Variants in OTUD7A observed in about 807,000 individuals in gnomAD.
The protein encoded by OTUD7A is OTU deubiquitinase 7A.
A neutral mutation model predicts 65.7 loss-of-function variants in OTUD7A; 12 were observed. The observed-to-expected ratio is 0.18, with a 90% CI of 0.12 to 0.30. The LOEUF (loss-of-function observed/expected upper bound fraction) is 0.30, where lower values mean the gene tolerates loss of function less well. Ranked by LOEUF, OTUD7A falls within the 10% of genes least tolerant of loss-of-function variation. The probability of loss-of-function intolerance (pLI) is 1.00; values close to 1 mark genes in which losing one functional copy is unlikely to be tolerated. For missense variants in OTUD7A, 1,148 were observed against 1,304.8 expected (o/e 0.88, Z 1.85); for synonymous variants, 641 against 586.3 (o/e 1.09, Z -1.35).
chr15:31,750,160 C>T (rs938779578), intron 1 of OTUD7A, among the ~76,000 whole-genome samples: 3 of 152,080 alleles, frequency 2.0e-5, no homozygotes, highest in Admixed American at 1.3e-4. Flanking sequence ...GTAATCCCAG[C>T]ACTTTGGGAG....
At chr15:31,585,326 T>C (rs914373976) in intron 3 of OTUD7A, among the ~76,000 whole-genome samples, 3 of 152,222 alleles carry the variant, frequency 2.0e-5, no homozygotes, top group South Asian at 2.1e-4. Context: ...CAAACATTCA[T>C]GCGAGGCGTG....
intron 1 of OTUD7A, among the ~76,000 whole-genome samples, chr15:31,796,519 C>G (rs1220284393): frequency 6.6e-6 from 1 of 152,166 alleles, no homozygotes; most frequent in Non-Finnish European, 1.5e-5. Context: ...TTAATCTCAT[C>G]TAAAAATTAC....
intron 1 of OTUD7A, among the ~76,000 whole-genome samples, chr15:31,713,207 G>A (rs917493957): frequency 6.6e-6 from 1 of 152,198 alleles, no homozygotes; most frequent in Non-Finnish European, 1.5e-5. Flanking sequence ...CAAGTTGATG[G>A]CGTTTCTGAA....
chr15:31,781,270 C>T (rs1895532070), intron 1 of OTUD7A, among the ~76,000 whole-genome samples: 1 of 152,108 alleles, frequency 6.6e-6, no homozygotes, highest in Admixed American at 6.5e-5. Context: ...TTAAGAATGA[C>T]CCCAAGGTCA....
At chr15:31,669,468 C>T (rs1046139781) in intron 1 of OTUD7A, among the ~76,000 whole-genome samples, 1 of 152,194 alleles carries the variant, frequency 6.6e-6, no homozygotes, top group Non-Finnish European at 1.5e-5. Context: ...AGCTGCCATG[C>T]AGTCCGAAGG....
intron 1 of OTUD7A, among the ~76,000 whole-genome samples, chr15:31,865,457 G>A (rs975265256): frequency 9.9e-5 from 15 of 152,190 alleles, no homozygotes; most frequent in African/African-American, 3.6e-4. Context: ...ACTGTGCATT[G>A]TGTGGTCTCT....
intron 4 of OTUD7A, among the ~76,000 whole-genome samples, chr15:31,564,151 G>C (rs2141164889): frequency 6.6e-6 from 1 of 152,268 alleles, no homozygotes; most frequent in South Asian, 2.1e-4. Flanking sequence ...TTCATGTGCA[G>C]AATAAATAGG....
At chr15:31,604,663 A>G (rs898815998) in intron 3 of OTUD7A, among the ~76,000 whole-genome samples, 2 of 152,240 alleles carry the variant, frequency 1.3e-5, no homozygotes, top group Non-Finnish European at 2.9e-5. Flanking sequence ...TAGCTGCTAG[A>G]GCAGTGCCTT....
At chr15:31,758,416 C>A (rs1005543472) in intron 1 of OTUD7A, among the ~76,000 whole-genome samples, 2 of 149,494 alleles carry the variant, frequency 1.3e-5, no homozygotes, top group African/African-American at 5.0e-5. Flanking sequence ...CAATCTGGGC[C>A]TTTGACTCTA....
intron 5 of OTUD7A, among the ~76,000 whole-genome samples, chr15:31,538,616 G>A (rs1887882641): frequency 6.6e-6 from 1 of 152,182 alleles, no homozygotes; most frequent in African/African-American, 2.4e-5. Context: ...TTATGGTTGA[G>A]TTTGTGGCAA....
chr15:31,752,388 T>A (rs1890403570), intron 1 of OTUD7A, among the ~76,000 whole-genome samples: 1 of 152,210 alleles, frequency 6.6e-6, no homozygotes, highest in Admixed American at 6.5e-5. Flanking sequence ...CAAATAATTG[T>A]AGGATATTCT....
At chr15:31,516,013 A>G (rs2041848226) in intron 8 of OTUD7A, among the ~76,000 whole-genome samples, 2 of 151,908 alleles carry the variant, frequency 1.3e-5, no homozygotes, top group South Asian at 4.2e-4. Flanking sequence ...CTTCCATTCA[A>G]CCATCTATCT....
rs181638374 is a variant in OTUD7A, at chr15:31,720,689, C to T, written c.-99-63612G>A. 3.9e-5 allele frequency among the ~76,000 whole-genome samples: 6 copies of T among 152,208 alleles called. No homozygotes were observed. In the East Asian group the frequency reaches 9.7e-4, roughly 24 times the overall value. Reference sequence around the variant, plus strand: ...TGCTGGGATTACAGGCGTGAGCCACCGCACCTGGACAGTAACTTAATTTTT... The same window carrying T: ...TGCTGGGATTACAGGCGTGAGCCACTGCACCTGGACAGTAACTTAATTTTT... On this transcript the variant is annotated intron_variant, in intron 1 of 12. Transcript: ENST00000307050.
At chr15:31,592,648 A>G (rs1028951047) in intron 3 of OTUD7A, among the ~76,000 whole-genome samples, 1 of 151,796 alleles carries the variant, frequency 6.6e-6, no homozygotes, top group African/African-American at 2.4e-5. Context: ...TGGGAGGCTG[A>G]GGCGGGCAGA....
At chr15:31,806,208 A>G (rs1228428067) in intron 1 of OTUD7A, among the ~76,000 whole-genome samples, 1 of 152,176 alleles carries the variant, frequency 6.6e-6, no homozygotes, top group Admixed American at 6.5e-5. Flanking sequence ...TTCAGTTGAT[A>G]TCATTTTCTG....
intron 8 of OTUD7A, among the ~76,000 whole-genome samples, chr15:31,508,967 T>G (rs1056979947): frequency 6.6e-6 from 1 of 152,244 alleles, no homozygotes; most frequent in African/African-American, 2.4e-5. Context: ...TTTGAGAAAG[T>G]TAAGCACTAT....
Position 31,487,829 on chromosome 15 carries a change from G to A in OTUD7A, c.1172-263C>T, listed in dbSNP as rs1179214150. ...CTGTCCAATGGCAGATACTCCATTG[G>A]GCAGCAGAATGGGAAAAAAGCTATT... On this transcript the variant is annotated intron_variant, in intron 10 of 12. Transcript: ENST00000307050. This position sits in a 1 kb window ranked among gnomAD's most constrained non-coding sequence, Gnocchi z 6.0. Among the ~76,000 whole-genome samples, 2 of 152,202 alleles carry A rather than the reference G, an allele frequency of 1.3e-5. No individual in the cohort carries two copies. The highest frequency in any genetic ancestry group is 4.8e-5 in the African/African-American group (2 of 41,456).
intron 5 of OTUD7A, among the ~76,000 whole-genome samples, chr15:31,538,048 G>C (rs997770694): frequency 6.6e-6 from 1 of 152,178 alleles, no homozygotes; most frequent in Non-Finnish European, 1.5e-5. Flanking sequence ...CGTCCAAGAC[G>C]ATCTGTGCAA....
Position 31,633,740 on chromosome 15 carries a change from C to T in OTUD7A, c.151+21356G>A, listed in dbSNP as rs569102531. On this transcript the variant is annotated intron_variant, in intron 3 of 12. Transcript: ENST00000307050. ...CTACCTGCTCTAACCCAACGAATTACAACTCCTTGTGGGGAACCTGCTGGG... is the reference window on the plus strand; with the variant it reads ...CTACCTGCTCTAACCCAACGAATTATAACTCCTTGTGGGGAACCTGCTGGG... 1.2e-3 allele frequency among the ~76,000 whole-genome samples: 182 copies of T among 152,302 alleles called. 2 individuals are homozygous for T. Among genetic ancestry groups the T allele is most frequent in the African/African-American group, 4.2e-3 (175 of 41,552 alleles).
Sources: allele counts gnomAD v4.1 joint callset (sites outside exome capture counted in the v4.1 genomes callset), GRCh38; gene constraint gnomAD v4.1.1; non-coding constraint Gnocchi (gnomAD v3.1); transcripts MANE v1.5; gene names NCBI Gene and HGNC (gene_info 2026-07-23, HGNC 2026-07-21).